Variants in DPP10 observed in about 807,000 individuals in gnomAD.
DPP10 encodes the protein inactive dipeptidyl peptidase 10.
DPP10 carries 33 observed loss-of-function variants against 120.9 expected under a neutral mutation model. That is an observed-to-expected ratio of 0.27 (90% CI 0.21 to 0.37). The LOEUF is 0.37. Ranked by LOEUF, DPP10 falls within the 10% of genes least tolerant of loss-of-function variation. The pLI, the probability that DPP10 is intolerant of heterozygous loss-of-function variation, is 1.00. For missense variants in DPP10, 816 were observed against 942.8 expected (o/e 0.87, Z 1.76); for synonymous variants, 337 against 326.1 (o/e 1.03, Z -0.36).
chr2:115,188,337 A>C (rs1439074816), intron 1 of DPP10, among the ~76,000 whole-genome samples: 1 of 152,220 alleles, frequency 6.6e-6, no homozygotes, highest in East Asian at 1.9e-4. Flanking sequence ...AAACGGGATA[A>C]TTAAAGAATC....
At chr2:115,384,889 G>A (rs1303275010) in intron 3 of DPP10, among the ~76,000 whole-genome samples, 1 of 152,170 alleles carries the variant, frequency 6.6e-6, no homozygotes, top group African/African-American at 2.4e-5. Context: ...ATTGTGGGAG[G>A]GACCCAGTGG....
chr2:114,636,981 C>G (rs1229775643), intron 1 of DPP10, among the ~76,000 whole-genome samples: 4 of 151,886 alleles, frequency 2.6e-5, no homozygotes, highest in Admixed American at 2.6e-4. Flanking sequence ...ACTGGAGATA[C>G]AAATATAGAA....
chr2:115,059,092 G>T (rs1706181810), intron 1 of DPP10, among the ~76,000 whole-genome samples: 1 of 151,964 alleles, frequency 6.6e-6, no homozygotes, highest in East Asian at 1.9e-4. Context: ...TCCACCTAAG[G>T]GTGACCCCAA....
intron 2 of DPP10, among the ~76,000 whole-genome samples, chr2:115,334,230 G>GTTTTTTTTTTTTTTTTTTGT: frequency 3.5e-5 from 2 of 56,410 alleles, no homozygotes; most frequent in South Asian, 1.5e-3. Context: ...AGCAGACTCT[G>GTTTTTTTTTTTTTTTTTTGT]TTTTTTTTTT....
rs142785783 is a variant in DPP10 at position 115,319,934 on chromosome 2, G to A, written c.175+10581G>A. ...TTTTATAAGGGTATTAATTTCATTC[G>A]TAATGGTAGGGCCCTAATAATTACC... On this transcript the variant is annotated intron_variant, in intron 2 of 25. Transcript: ENST00000410059. Among the ~76,000 whole-genome samples, 448 of 152,184 alleles carry A rather than the reference G, an allele frequency of 2.9e-3. 1 individual carries two copies. Among genetic ancestry groups the A allele is most frequent in the South Asian group, 0.015 (74 of 4,828 alleles).
chr2:114,904,668 T>C (rs1693830099), intron 1 of DPP10, among the ~76,000 whole-genome samples: 1 of 152,086 alleles, frequency 6.6e-6, no homozygotes, highest in South Asian at 2.1e-4. Context: ...CTAACAGAAA[T>C]ACAGCAAGTA....
At chr2:114,663,668 T>TAGAGAGAGAGAGAGAGAGAGAGAG (rs1553479098) in intron 1 of DPP10, among the ~76,000 whole-genome samples, 38 of 80,694 alleles carry the variant, frequency 4.7e-4, no homozygotes, top group African/African-American at 2.2e-3. Context: ...TATATATATA[T>TAGAGAGAGAGAGAGAGAGAGAGAG]AGAGAGAGAG....
intron 1 of DPP10, among the ~76,000 whole-genome samples, chr2:114,829,393 T>A (rs1329591017): frequency 6.7e-6 from 1 of 148,418 alleles, no homozygotes; most frequent in Non-Finnish European, 1.5e-5. Context: ...TTTTAATTTT[T>A]TTTTTTTGAG....
At position 114,630,877 on chromosome 2, in the gene DPP10, G is replaced by C. The variant is rs940026963; in HGVS notation, c.60+188039G>C. 4.1e-4 allele frequency among the ~76,000 whole-genome samples: 63 copies of C among 151,980 alleles called. 1 individual carries two copies. Among genetic ancestry groups the C allele is most frequent in the Non-Finnish European group, 1.5e-5 (1 of 67,994 alleles). ...GGGAGGGATGAAGATGCTTCTCCCT[G>C]ATTTCAAGTCTAAAAATGGGAGTCT... On this transcript the variant is annotated intron_variant, in intron 1 of 25. Transcript: ENST00000410059.
intron 1 of DPP10, among the ~76,000 whole-genome samples, chr2:115,212,460 A>C (rs79945452): frequency 1.3e-5 from 2 of 152,114 alleles, no homozygotes; most frequent in Admixed American, 6.6e-5. Context: ...TCTTTAATTC[A>C]GTGTAAACTT....
chr2:115,690,718 A>G (rs1358444102), intron 7 of DPP10, among the ~76,000 whole-genome samples: 1 of 152,148 alleles, frequency 6.6e-6, no homozygotes, highest in Admixed American at 6.5e-5. Flanking sequence ...CCCGCCTGCA[A>G]TATTATATTC....
intron 3 of DPP10, among the ~76,000 whole-genome samples, chr2:115,371,036 A>G (rs2065375531): frequency 6.6e-6 from 1 of 152,154 alleles, no homozygotes; most frequent in South Asian, 2.1e-4. Context: ...AAAAAATTAA[A>G]GGTTTAAACA....
chr2:114,921,734 C>T (rs7559740), intron 1 of DPP10, among the ~76,000 whole-genome samples: 16,472 of 152,100 alleles, frequency 0.11, 1,194 homozygotes, highest in East Asian at 0.33. Flanking sequence ...ACCTTTGGAC[C>T]GTAGGTCACA....
At chr2:114,876,656 T>C (rs1487006922) in intron 1 of DPP10, among the ~76,000 whole-genome samples, 2 of 152,102 alleles carry the variant, frequency 1.3e-5, no homozygotes, top group Non-Finnish European at 2.9e-5. Flanking sequence ...CTGTCTCCAA[T>C]TTCTCATCTT....
intron 1 of DPP10, among the ~76,000 whole-genome samples, chr2:114,655,366 CT>C (rs1414845929): frequency 2.4e-4 from 37 of 152,264 alleles, no homozygotes; most frequent in African/African-American, 7.7e-4. Context: ...AAAGAAATTT[CT>C]GCTAAATTTC....
chr2:115,582,079 G>C (rs2082030524), intron 5 of DPP10, among the ~76,000 whole-genome samples: 1 of 152,156 alleles, frequency 6.6e-6, no homozygotes, highest in African/African-American at 2.4e-5. Context: ...ACTTGGAAGA[G>C]GGGCAAGCGG....
At chr2:115,626,143 T>TC (rs1487343427) in intron 5 of DPP10, among the ~76,000 whole-genome samples, 1 of 151,746 alleles carries the variant, frequency 6.6e-6, no homozygotes, top group African/African-American at 2.4e-5. Flanking sequence ...GAATGTAAGT[T>TC]CCTTGAAAGC....
intron 21 of DPP10, among the ~76,000 whole-genome samples, chr2:115,818,518 C>T (rs1396203102): frequency 1.3e-5 from 2 of 152,060 alleles, no homozygotes; most frequent in Admixed American, 6.5e-5. Flanking sequence ...TTGTAAAATG[C>T]CTCATGGAAA....
At chr2:114,611,421 A>G (rs139995889) in intron 1 of DPP10, among the ~76,000 whole-genome samples, 1 of 152,198 alleles carries the variant, frequency 6.6e-6, no homozygotes, top group Non-Finnish European at 1.5e-5. Flanking sequence ...GAAATGCATA[A>G]AGATGAACAA....
Sources: gnomAD v4.1 joint callset for allele counts (sites outside exome capture counted in the v4.1 genomes callset) on GRCh38, gnomAD v4.1.1 for gene constraint, MANE v1.5 for transcripts, NCBI Gene and HGNC (gene_info 2026-07-23, HGNC 2026-07-21) for gene names.